The following F8 variants were observed in gnomAD, a reference collection of about 807,000 sequenced individuals.
F8 encodes the protein coagulation factor VIII.
Under a neutral mutation model 140.6 loss-of-function variants are expected in F8, and 12 were observed. The ratio of observed to expected loss-of-function variants is 0.09; its 90% CI spans 0.05 to 0.14. The LOEUF (loss-of-function observed/expected upper bound fraction) is 0.14. Among genes scored for constraint, F8 ranks in the 10% least tolerant of loss-of-function variants. The pLI is 1.00. For synonymous variants in F8, 585 were observed against 614.6 expected, an observed-to-expected ratio of 0.95 and a Z score of 0.71; for missense variants, 1,354 against 1,720.7, an observed-to-expected ratio of 0.79 and a Z score of 3.77.
At chrX:154,911,711 A>G (rs2073068893) in intron 14 of F8, among the ~76,000 whole-genome samples, 1 of 111,770 alleles carries the variant, frequency 8.9e-6, no homozygotes, top group Non-Finnish European at 1.9e-5. Flanking sequence ...CTGTCTTTGG[A>G]TATATATCCA....
At chrX:154,872,548 G>C (rs980033116) in intron 22 of F8, among the ~76,000 whole-genome samples, 3 of 108,142 alleles carry the variant, frequency 2.8e-5, no homozygotes, top group Admixed American at 2.0e-4. Context: ...GGGCCTGTTG[G>C]GGGGTGGGGG....
At chrX:154,865,393 C>T (rs2072724155) in intron 22 of F8, among the ~76,000 whole-genome samples, 1 of 109,495 alleles carries the variant, frequency 9.1e-6, no homozygotes, top group Non-Finnish European at 1.9e-5. Context: ...CCTTTCACTG[C>T]TAAAGGTAAA....
At position 154,893,660 on chromosome X, in the gene F8, T is replaced by C. The variant is rs782500576; in HGVS notation, c.6429+2417A>G. Reference sequence around the variant, plus strand: ...CTGGGGAGTCATGCCCTACAAATCATAAATTCTCATCAGATGGGTTTTATT... The same window carrying C: ...CTGGGGAGTCATGCCCTACAAATCACAAATTCTCATCAGATGGGTTTTATT... On this transcript the variant is annotated intron_variant, in intron 22 of 25. Coordinates refer to ENST00000360256, the MANE Select transcript of F8 (RefSeq NM_000132.4). Among the ~76,000 whole-genome samples, 41 of 111,788 alleles carry C rather than the reference T, an allele frequency of 3.7e-4. 1 individual carries two copies. The highest frequency in any genetic ancestry group is 1.2e-3 in the African/African-American group (38 of 30,783).
At chrX:154,947,224 G>GAAAAAA (rs781928603) in intron 13 of F8, among the ~76,000 whole-genome samples, 1 of 17,847 alleles carries the variant, frequency 5.6e-5, no homozygotes, top group Non-Finnish European at 1.0e-4. Context: ...GACTCCGTCT[G>GAAAAAA]AAAAAAAAAA....
chrX:155,019,512 G>A (rs2073749804), intron 1 of F8, among the ~76,000 whole-genome samples: 1 of 111,357 alleles, frequency 9.0e-6, no homozygotes, highest in Non-Finnish European at 1.9e-5. Context: ...AATATACAAT[G>A]GCTGGGTGCG....
chrX:154,953,296 A>G (rs1434371529), intron 12 of F8, among the ~76,000 whole-genome samples: 1 of 112,254 alleles, frequency 8.9e-6, no homozygotes, highest in Non-Finnish European at 1.9e-5. Flanking sequence ...TAAGGTCATT[A>G]CGGTGGGCCC....
At chrX:154,921,447 C>T (rs1163978004) in intron 14 of F8, among the ~76,000 whole-genome samples, 1 of 111,848 alleles carries the variant, frequency 8.9e-6, no homozygotes, top group Non-Finnish European at 1.9e-5. Flanking sequence ...TAAACTAGTT[C>T]AACCATTGTG....
chrX:154,855,103 G>C (rs2072642412), intron 25 of F8, among the ~76,000 whole-genome samples: 1 of 111,936 alleles, frequency 8.9e-6, no homozygotes, highest in Admixed American at 9.4e-5. Flanking sequence ...CTGGGTGACA[G>C]AGCGAGACTC....
At chrX:154,905,631 T>A (rs1421266037) in intron 15 of F8, among the ~76,000 whole-genome samples, 1 of 111,451 alleles carries the variant, frequency 9.0e-6, no homozygotes, top group Non-Finnish European at 1.9e-5. Context: ...CTACAGGAAG[T>A]ATTAAAAAGT....
intron 1 of F8, among the ~76,000 whole-genome samples, chrX:155,009,701 C>T (rs2073696715): frequency 9.0e-6 from 1 of 110,688 alleles, no homozygotes; most frequent in African/African-American, 3.3e-5. Flanking sequence ...TGCCACTGCA[C>T]TCCAGCCTGG....
At chrX:154,973,230 C>T (rs1469675184) in intron 6 of F8, among the ~76,000 whole-genome samples, 1 of 112,412 alleles carries the variant, frequency 8.9e-6, no homozygotes, top group African/African-American at 3.2e-5. Context: ...TTTATGTCAA[C>T]ACAATGCTGT....
At chrX:154,974,349 G>T (rs1382609856) in intron 6 of F8, among the ~76,000 whole-genome samples, 1 of 111,706 alleles carries the variant, frequency 9.0e-6, no homozygotes, top group African/African-American at 3.3e-5. Flanking sequence ...TATCATGAAG[G>T]GATATTGAAT....
At chrX:154,915,022 T>C (rs2073088475) in intron 14 of F8, among the ~76,000 whole-genome samples, 1 of 111,960 alleles carries the variant, frequency 8.9e-6, no homozygotes, top group Non-Finnish European at 1.9e-5. Flanking sequence ...AGTTCCGCAT[T>C]GCTGGGGAGG....
intron 7 of F8, among the ~76,000 whole-genome samples, chrX:154,967,234 T>C (rs1326186469): frequency 1.8e-5 from 2 of 111,622 alleles, no homozygotes; most frequent in African/African-American, 6.5e-5. Context: ...AAAATGTTAG[T>C]GTAGATATAA....
At chrX:154,877,169 C>T (rs928730669) in intron 22 of F8, among the ~76,000 whole-genome samples, 6 of 112,203 alleles carry the variant, frequency 5.3e-5, no homozygotes, top group African/African-American at 1.6e-4. Context: ...TCAGTGATGT[C>T]CACATTTTAA....
chrX:154,982,086 G>A (rs1173410545), intron 6 of F8, among the ~76,000 whole-genome samples: 2 of 109,841 alleles, frequency 1.8e-5, no homozygotes, highest in East Asian at 2.8e-4. Context: ...TGGGAGGCTG[G>A]GGCAGGAGAA....
intron 3 of F8, 90 bp from the exon 4 acceptor site, chrX:154,993,238 A>C (rs782323163): frequency 1.3e-6 from 1 of 758,256 alleles, no homozygotes; most frequent in East Asian, 3.2e-5. Flanking sequence ...TAGGTTCTAC[A>C]TAAGAAACGG....
intron 22 of F8, among the ~76,000 whole-genome samples, chrX:154,895,751 C>T (rs2072975388): frequency 9.0e-6 from 1 of 111,557 alleles, no homozygotes; most frequent in Non-Finnish European, 1.9e-5. Context: ...ACTTGTCTTT[C>T]ACCTACTGCC....
At position 154,957,143 on chromosome X, in the gene F8, A is replaced by T; in HGVS notation, c.1566T>A (p.Ile522=). 8.3e-7 allele frequency: 1 copy of T among 1,210,636 alleles called. No homozygotes were observed. Among genetic ancestry groups the T allele is most frequent in the Non-Finnish European group, 1.1e-6 (1 of 894,913 alleles). ...TATATTTGAATATTTCTCCTGGCAG[A>T]ATTGGAAAATCCTTCAAATGTTTTA... ...KGVKHLKDFP[I]LPGEIFKYKW... is the part of the protein sequence containing the mutation. Residue 522 remains isoleucine (I), a synonymous_variant, in exon 11 of 26, where the codon ATT becomes ATA. Transcript: ENST00000360256.
Sources: gnomAD v4.1 joint callset for allele counts (sites outside exome capture counted in the v4.1 genomes callset) on GRCh38, gnomAD v4.1.1 for gene constraint, MANE v1.5 for transcripts, NCBI Gene and HGNC (gene_info 2026-07-23, HGNC 2026-07-21) for gene names.